Variants in KCNH8 observed in about 807,000 individuals in gnomAD.
KCNH8 encodes the protein potassium voltage-gated channel subfamily H member 8.
Under a neutral mutation model 103.6 loss-of-function variants are expected in KCNH8, and 70 were observed. The ratio of observed to expected loss-of-function variants is 0.68; its 90% CI spans 0.56 to 0.82. The LOEUF (loss-of-function observed/expected upper bound fraction) is 0.82, where lower values mean the gene tolerates loss of function less well. KCNH8 is among the 40% of genes least tolerant of loss of function. KCNH8 has a pLI of 0.00. For synonymous variants in KCNH8, 498 were observed against 489.4 expected (o/e 1.02, Z -0.23); for missense variants, 1,217 against 1,329.9 (o/e 0.92, Z 1.32).
At chr3:19,377,104 C>G (rs891442859) in intron 5 of KCNH8, among the ~76,000 whole-genome samples, 1 of 152,106 alleles carries the variant, frequency 6.6e-6, no homozygotes, top group Non-Finnish European at 1.5e-5. Flanking sequence ...ATCTGCTATG[C>G]TAGGCAATGA....
At chr3:19,349,077 G>C (rs1167023201) in intron 5 of KCNH8, among the ~76,000 whole-genome samples, 2 of 151,854 alleles carry the variant, frequency 1.3e-5, no homozygotes, top group Non-Finnish European at 2.9e-5. Context: ...GCCTTGATAG[G>C]ACCTCTGCTG....
rs1166378145 is a variant in KCNH8, at chr3:19,148,641, T to G, written c.-79T>G. On this transcript the variant is annotated 5_prime_UTR_variant, in exon 1 of 16. Coordinates refer to ENST00000328405, the MANE Select transcript of KCNH8 (RefSeq NM_144633.3). Reference sequence around the variant, plus strand: ...CTTCCCTGCCGTCATCAGGTTCCCCTTCTCCCTTCTTGGCACTTTCCTTTC... The same window carrying G: ...CTTCCCTGCCGTCATCAGGTTCCCCGTCTCCCTTCTTGGCACTTTCCTTTC... 1.4e-6 allele frequency: 2 copies of G among 1,409,824 alleles called. No individual in the cohort carries two copies. The highest frequency in any genetic ancestry group is 4.5e-5 in the East Asian group (2 of 44,022). 87.3% of individuals were successfully genotyped at this position (1,409,824 alleles called of 1,614,324 possible). A position where few individuals can be genotyped will look rare whatever the true frequency, so the allele number is the denominator to read the frequency against.
intron 8 of KCNH8, among the ~76,000 whole-genome samples, chr3:19,448,701 A>G (rs2125181195): frequency 1.3e-5 from 2 of 152,126 alleles, no homozygotes; most frequent in South Asian, 4.1e-4. Flanking sequence ...TTGGGCACTA[A>G]GGTTTTGTAC....
chr3:19,302,536 G>A (rs1039818405), intron 3 of KCNH8, among the ~76,000 whole-genome samples: 4 of 152,100 alleles, frequency 2.6e-5, no homozygotes, highest in Admixed American at 6.5e-5. Context: ...AACATTAAAC[G>A]TCCTTCTATC....
At chr3:19,323,667 G>C (rs2065381398) in intron 3 of KCNH8, among the ~76,000 whole-genome samples, 1 of 152,096 alleles carries the variant, frequency 6.6e-6, no homozygotes, top group African/African-American at 2.4e-5. Flanking sequence ...CTTGATTGCT[G>C]TTCAGATTTT....
At chr3:19,187,326 A>G (rs920343267) in intron 1 of KCNH8, among the ~76,000 whole-genome samples, 7 of 152,012 alleles carry the variant, frequency 4.6e-5, no homozygotes, top group African/African-American at 1.7e-4. Flanking sequence ...GCATAGATAT[A>G]TATATACTTG....
chr3:19,467,031 T>C (rs2067753269), intron 11 of KCNH8, among the ~76,000 whole-genome samples: 1 of 152,060 alleles, frequency 6.6e-6, no homozygotes, highest in African/African-American at 2.4e-5. Context: ...GCACACTTAA[T>C]AGACTACAGT....
At chr3:19,311,812 A>G (rs954373009) in intron 3 of KCNH8, among the ~76,000 whole-genome samples, 1 of 151,878 alleles carries the variant, frequency 6.6e-6, no homozygotes, top group African/African-American at 2.4e-5. Flanking sequence ...TACATTTGAA[A>G]CTGAGATGAT....
At chr3:19,429,893 G>T (rs972966828) in intron 7 of KCNH8, among the ~76,000 whole-genome samples, 3 of 152,090 alleles carry the variant, frequency 2.0e-5, no homozygotes, top group Admixed American at 6.5e-5. Context: ...CACAAGACTT[G>T]ATCTTGTTTT....
At chr3:19,400,252 A>AAAAAAC in intron 7 of KCNH8, among the ~76,000 whole-genome samples, 2 of 150,884 alleles carry the variant, frequency 1.3e-5, no homozygotes, top group African/African-American at 2.4e-5. Context: ...AAAAAAAAAA[A>AAAAAAC]AAAGCATCAT....
chr3:19,362,830 G>T (rs2065964507), intron 5 of KCNH8, among the ~76,000 whole-genome samples: 1 of 151,866 alleles, frequency 6.6e-6, no homozygotes, highest in African/African-American at 2.4e-5. Flanking sequence ...GGCTAATTTT[G>T]TTGTTTTTTT....
intron 11 of KCNH8, among the ~76,000 whole-genome samples, chr3:19,493,726 G>A (rs1018619399): frequency 3.3e-5 from 5 of 151,652 alleles, no homozygotes; most frequent in African/African-American, 1.2e-4. Context: ...TATTGGCTGT[G>A]GCTTTATTAT....
At chr3:19,314,830 A>G (rs1020374802) in intron 3 of KCNH8, 9 of 154,222 alleles carry the variant, frequency 5.8e-5, no homozygotes, top group Admixed American at 1.3e-4. Context: ...ATTGGACTGA[A>G]TAGCTGGATA....
chr3:19,370,883 G>A (rs1170907029), intron 5 of KCNH8, among the ~76,000 whole-genome samples: 2 of 151,896 alleles, frequency 1.3e-5, no homozygotes, highest in Non-Finnish European at 2.9e-5. Flanking sequence ...TCTTGAGATA[G>A]TTTACTGAGA....
chr3:19,440,056 G>A (rs1307238745), intron 8 of KCNH8, among the ~76,000 whole-genome samples: 2 of 152,108 alleles, frequency 1.3e-5, no homozygotes, highest in Non-Finnish European at 2.9e-5. Context: ...AACTTAAAAA[G>A]AGTAGAGAAA....
intron 8 of KCNH8, among the ~76,000 whole-genome samples, chr3:19,444,423 A>G (rs2067332177): frequency 6.6e-6 from 1 of 151,974 alleles, no homozygotes; most frequent in Non-Finnish European, 1.5e-5. Flanking sequence ...ATAGGAGAAT[A>G]TTTTTTATGA....
chr3:19,428,962 C>T (rs2067070435), intron 7 of KCNH8, among the ~76,000 whole-genome samples: 1 of 152,062 alleles, frequency 6.6e-6, no homozygotes, highest in South Asian at 2.1e-4. Flanking sequence ...TTCAAAATGA[C>T]TGTGCCCCCC....
chr3:19,156,863 G>A (rs2063185621), intron 1 of KCNH8, among the ~76,000 whole-genome samples: 1 of 151,832 alleles, frequency 6.6e-6, no homozygotes. Context: ...CCAGTGTCAG[G>A]TACTGTTGAC....
chr3:19,472,783 T>C (rs1408217706), intron 11 of KCNH8, among the ~76,000 whole-genome samples: 1 of 152,214 alleles, frequency 6.6e-6, no homozygotes, highest in Non-Finnish European at 1.5e-5. Context: ...AGAGAGGACA[T>C]TCACATTTGG....
Sources: gnomAD v4.1 joint callset for allele counts (sites outside exome capture counted in the v4.1 genomes callset) on GRCh38, gnomAD v4.1.1 for gene constraint, MANE v1.5 for transcripts, NCBI Gene and HGNC (gene_info 2026-07-23, HGNC 2026-07-21) for gene names.